The following SMOC1 variants were observed in gnomAD, a reference collection of about 807,000 sequenced individuals.
SMOC1 encodes SPARC related modular calcium binding 1.
In SMOC1, 22 loss-of-function variants were observed where a neutral mutation model predicts 56.3. The observed-to-expected ratio is 0.39, with a 90% CI of 0.28 to 0.56. The LOEUF is 0.56. SMOC1 is among the 20% of genes least tolerant of loss of function. The pLI, the probability that SMOC1 is intolerant of heterozygous loss-of-function variation, is 0.61. For synonymous variants in SMOC1, 193 were observed against 215.0 expected, an observed-to-expected ratio of 0.90 and a Z score of 0.89; for missense variants, 509 against 565.4, an observed-to-expected ratio of 0.90 and a Z score of 1.01.
rs572020880 is a variant in SMOC1 at position 69,937,690 on chromosome 14, G to A, written c.100-14448G>A. Among the ~76,000 whole-genome samples the A allele has an allele frequency of 8.1e-4, 124 of 152,280 alleles. 1 individual carries two copies. Among genetic ancestry groups the A allele is most frequent in the Middle Eastern group, 6.8e-3 (2 of 294 alleles). On this transcript the variant is annotated intron_variant, in intron 1 of 11. Coordinates refer to ENST00000361956, the MANE Select transcript of SMOC1 (RefSeq NM_001034852.3). ...ACCAGCGCCACCGCCAGTCCCACAC[G>A]GGCCAAGCTATTTCTTCTCCCCTTT... is the stretch of plus-strand genomic sequence containing the variant.
chr14:69,964,688 TCAA>T (rs1422915999), intron 3 of SMOC1, among the ~76,000 whole-genome samples: 1 of 152,180 alleles, frequency 6.6e-6, no homozygotes, highest in Non-Finnish European at 1.5e-5. Context: ...ATCATCATCA[TCAA>T]CAACACCACC....
At chr14:69,928,897 C>G (rs1385801237) in intron 1 of SMOC1, among the ~76,000 whole-genome samples, 1 of 152,130 alleles carries the variant, frequency 6.6e-6, no homozygotes, top group African/African-American at 2.4e-5. Context: ...TGGGGTCAAG[C>G]CCCCAACTCT....
At chr14:69,950,001 G>T (rs7142362) in intron 1 of SMOC1, among the ~76,000 whole-genome samples, 67,484 of 152,068 alleles carry the variant, frequency 0.44, 16,043 homozygotes, top group African/African-American at 0.62. Flanking sequence ...TGGAGATGAT[G>T]ATCTGAGTTA....
rs1883566968 is a variant in SMOC1 at position 69,879,449 on chromosome 14, G to A, written c.-230G>A. 15 of 384,684 alleles carry A rather than the reference G, an allele frequency of 3.9e-5. No individual in the cohort carries two copies. Among genetic ancestry groups the A allele is most frequent in the Non-Finnish European group, 5.9e-5 (13 of 219,740 alleles). The allele number at this position is 384,684 out of a possible 1,614,324, so 23.8% of individuals were successfully genotyped here. A position where few individuals can be genotyped will look rare whatever the true frequency, so the allele number is the denominator to read the frequency against. On this transcript the variant is annotated 5_prime_UTR_variant, in exon 1 of 12. Coordinates refer to ENST00000361956, the MANE Select transcript of SMOC1 (RefSeq NM_001034852.3). ...AACCTGCTGCCGCCTGGGCCCCGCC[G>A]AGCGGAGCTAGCGCCGCGCGCAGAG... is the stretch of plus-strand genomic sequence containing the variant.
chr14:69,954,509 G>T (rs1883118545), intron 3 of SMOC1, among the ~76,000 whole-genome samples: 1 of 152,220 alleles, frequency 6.6e-6, no homozygotes, highest in Admixed American at 6.5e-5. Flanking sequence ...TGGTGGGACA[G>T]AAAGGTGCTT....
At chr14:69,945,915 A>C (rs958105270) in intron 1 of SMOC1, among the ~76,000 whole-genome samples, 1 of 152,234 alleles carries the variant, frequency 6.6e-6, no homozygotes, top group Admixed American at 6.5e-5. Flanking sequence ...ACGAGTATGC[A>C]TATTACCAGA....
chr14:69,922,241 T>C (rs1439523371), intron 1 of SMOC1, among the ~76,000 whole-genome samples: 1 of 152,192 alleles, frequency 6.6e-6, no homozygotes, highest in Non-Finnish European at 1.5e-5. Context: ...CACTGAAAAA[T>C]GCACTTAATG....
At chr14:69,979,421 T>A (rs1336412753) in intron 5 of SMOC1, among the ~76,000 whole-genome samples, 2 of 152,208 alleles carry the variant, frequency 1.3e-5, no homozygotes, top group Non-Finnish European at 2.9e-5. Flanking sequence ...GGGAAGTAAG[T>A]GCTTCTTCAG....
At chr14:69,978,139 T>C in intron 5 of SMOC1, 174 bp downstream of exon 5, 2 of 680,654 alleles carry the variant, frequency 2.9e-6, no homozygotes, top group South Asian at 1.6e-5. Flanking sequence ...GTAAGGCTCA[T>C]ACAGTGATGG....
At chr14:70,024,353 G>T (rs1008971455) in intron 11 of SMOC1, among the ~76,000 whole-genome samples, 1 of 152,122 alleles carries the variant, frequency 6.6e-6, no homozygotes, top group African/African-American at 2.4e-5. Flanking sequence ...AGCAAACAAT[G>T]GCCTGAATGC....
chr14:69,894,411 C>T (rs1293124014), intron 1 of SMOC1, among the ~76,000 whole-genome samples: 1 of 152,204 alleles, frequency 6.6e-6, no homozygotes, highest in Non-Finnish European at 1.5e-5. Flanking sequence ...TAACCAATCC[C>T]TTTGGCCAGG....
intron 1 of SMOC1, among the ~76,000 whole-genome samples, chr14:69,926,170 TG>T (rs1405266798): frequency 7.2e-5 from 11 of 152,346 alleles, no homozygotes; most frequent in Non-Finnish European, 1.6e-4. Flanking sequence ...ATGATGACTT[TG>T]TTTGAAGAAC....
chr14:69,926,431 C>T (rs1042263704), intron 1 of SMOC1, among the ~76,000 whole-genome samples: 4 of 152,160 alleles, frequency 2.6e-5, no homozygotes, highest in South Asian at 4.1e-4. Context: ...CTGCCAGTCC[C>T]GTAAACTTTC....
intron 1 of SMOC1, among the ~76,000 whole-genome samples, chr14:69,882,182 G>A (rs1883659751): frequency 6.6e-6 from 1 of 152,180 alleles, no homozygotes; most frequent in Non-Finnish European, 1.5e-5. Flanking sequence ...GGCCTCAAAA[G>A]TGTAGCTCTG....
intron 1 of SMOC1, among the ~76,000 whole-genome samples, chr14:69,950,053 G>C (rs1289760424): frequency 6.6e-6 from 1 of 152,210 alleles, no homozygotes; most frequent in Non-Finnish European, 1.5e-5. Flanking sequence ...CAAATGCTGT[G>C]CTCATGAGAC....
chr14:69,922,460 C>T (rs1884872496), intron 1 of SMOC1, among the ~76,000 whole-genome samples: 1 of 152,158 alleles, frequency 6.6e-6, no homozygotes, highest in Non-Finnish European at 1.5e-5. Flanking sequence ...ACTGGCTTTC[C>T]TGGGGAAAGT....
intron 5 of SMOC1, among the ~76,000 whole-genome samples, chr14:69,990,544 A>G (rs1238727441): frequency 9.9e-5 from 15 of 152,200 alleles, no homozygotes; most frequent in Non-Finnish European, 2.9e-5. Context: ...CCAAATGTGC[A>G]TTGCAGCTGC....
At chr14:69,988,867 CA>C (rs1884463413) in intron 5 of SMOC1, among the ~76,000 whole-genome samples, 1 of 152,170 alleles carries the variant, frequency 6.6e-6, no homozygotes, top group East Asian at 1.9e-4. Flanking sequence ...TCTACATTGT[CA>C]CATGTATTAG....
intron 1 of SMOC1, among the ~76,000 whole-genome samples, chr14:69,880,545 G>A (rs1388822228): frequency 6.6e-6 from 1 of 152,166 alleles, no homozygotes; most frequent in Non-Finnish European, 1.5e-5. Flanking sequence ...ACAGTATTGT[G>A]TTCATTTCTG....
Sources: gnomAD v4.1 joint callset for allele counts (sites outside exome capture counted in the v4.1 genomes callset) on GRCh38, gnomAD v4.1.1 for gene constraint, MANE v1.5 for transcripts, NCBI Gene and HGNC (gene_info 2026-07-23, HGNC 2026-07-21) for gene names.